The following DACH1 variants were observed in gnomAD, a reference collection of about 807,000 sequenced individuals.
The protein encoded by DACH1 is dachshund homolog 1.
A neutral mutation model predicts 54.2 loss-of-function variants in DACH1; 12 were observed. The observed-to-expected ratio is 0.22, with a 90% CI of 0.14 to 0.36. The LOEUF (loss-of-function observed/expected upper bound fraction) is 0.36, where lower values mean the gene tolerates loss of function less well. Among genes scored for constraint, DACH1 ranks in the 10% least tolerant of loss-of-function variants. The pLI, the probability that DACH1 is intolerant of heterozygous loss-of-function variation, is 1.00. For missense variants in DACH1, 805 were observed against 929.8 expected (o/e 0.87, Z 1.75); for synonymous variants, 386 against 366.2 (o/e 1.05, Z -0.62).
chr13:71,494,376 CT>C (rs537168970), intron 6 of DACH1, among the ~76,000 whole-genome samples: 65 of 151,888 alleles, frequency 4.3e-4, no homozygotes, highest in African/African-American at 1.3e-3. Context: ...TGAATTTTGA[CT>C]TTTTTTCCCC....
chr13:71,866,730 C>T lies in DACH1; in HGVS notation c.40G>A (p.Val14Ile). The T allele has an allele frequency of 7.0e-7, 1 of 1,435,532 alleles. No homozygotes were observed. Among genetic ancestry groups the T allele is most frequent in the Non-Finnish European group, 9.2e-7 (1 of 1,085,186 alleles). The allele number at this position is 1,435,532 out of a possible 1,614,324, so 88.9% of individuals were successfully genotyped here. Residue 14 changes from valine (V) to isoleucine (I), a missense_variant, in exon 1 of 11, where the codon GTC (valine) becomes ATC (isoleucine). Physicochemically the swap from Val to Ile is conservative, Grantham distance 29. Around this residue, in one of 3 missense-constraint regions of DACH1, gnomAD observed 305 missense variants for 308.7 expected, o/e 0.99. Transcript: ENST00000613252. ...PAALIPPTQLVPPQPPISTSA... is the reference protein window; with the variant it reads ...PAALIPPTQLIPPQPPISTSA... Reference sequence around the variant, plus strand: ...GTGGAGATTGGGGGTTGAGGGGGGACCAGCTGGGTCGGAGGGATCAAAGCC... The same window carrying T: ...GTGGAGATTGGGGGTTGAGGGGGGATCAGCTGGGTCGGAGGGATCAAAGCC...
intron 6 of DACH1, among the ~76,000 whole-genome samples, chr13:71,534,773 AATAAAGTT>A (rs1230459710): frequency 6.6e-6 from 1 of 151,938 alleles, no homozygotes; most frequent in Non-Finnish European, 1.5e-5. Flanking sequence ...TCATAAAAAT[AATAAAGTT>A]ATAACTCATC....
At position 71,813,529 on chromosome 13, in the gene DACH1, A is replaced by G. The variant is rs564218522; in HGVS notation, c.848+52393T>C. On this transcript the variant is annotated intron_variant, in intron 1 of 10. Coordinates refer to ENST00000613252, the MANE Select transcript of DACH1 (RefSeq NM_080759.6). ...TCCACTAATGAGGTTGCCTTTCTTC[A>G]TTCTGAGGGAGGATGTATTCTCCTC... Among the ~76,000 whole-genome samples, 8 of 152,286 alleles carry G rather than the reference A, an allele frequency of 5.3e-5. No individual in the cohort carries two copies. In the South Asian group the frequency reaches 1.7e-3, roughly 32 times the overall value.
Position 71,692,298 on chromosome 13 carries a change from T to TCAC in DACH1, c.849-10391_849-10389dup, listed in dbSNP as rs983444503. ...TTCCCCATCCTTAGCATGGTTAGTC[T>TCAC]CACACAGTCCAGCACATAATTATTC... On this transcript the variant is annotated intron_variant, in intron 1 of 10. Coordinates refer to ENST00000613252, the MANE Select transcript of DACH1 (RefSeq NM_080759.6). Among the ~76,000 whole-genome samples the TCAC allele has an allele frequency of 2.1e-4, 32 of 152,048 alleles. 1 individual carries two copies. The highest frequency in any genetic ancestry group is 2.1e-3 in the Admixed American group (32 of 15,262).
chr13:71,806,043 G>A (rs1038239578), intron 1 of DACH1, among the ~76,000 whole-genome samples: 5 of 152,148 alleles, frequency 3.3e-5, no homozygotes, highest in Non-Finnish European at 5.9e-5. Context: ...CCGACCTCAG[G>A]TGATCCGCCC....
At chr13:71,821,057 G>A (rs117347759) in intron 1 of DACH1, among the ~76,000 whole-genome samples, 62 of 152,230 alleles carry the variant, frequency 4.1e-4, no homozygotes, top group Non-Finnish European at 7.6e-4. Flanking sequence ...AGGACTAACC[G>A]GAAAAGTTCA....
chr13:71,530,842 G>A (rs1158661827), intron 6 of DACH1, among the ~76,000 whole-genome samples: 1 of 152,086 alleles, frequency 6.6e-6, no homozygotes, highest in Non-Finnish European at 1.5e-5. Context: ...TCTTTCATCT[G>A]TAAAAATAAT....
intron 4 of DACH1, among the ~76,000 whole-genome samples, chr13:71,567,343 A>G (rs1480241310): frequency 1.3e-5 from 2 of 152,100 alleles, no homozygotes; most frequent in African/African-American, 2.4e-5. Flanking sequence ...CTTAAAATGC[A>G]TTTAAAAATC....
chr13:71,575,812 T>C (rs1480257372), intron 3 of DACH1, among the ~76,000 whole-genome samples: 1 of 152,122 alleles, frequency 6.6e-6, no homozygotes, highest in Non-Finnish European at 1.5e-5. Flanking sequence ...CTCATGATGT[T>C]AGCTCATTTG....
At position 71,717,608 on chromosome 13, in the gene DACH1, G is replaced by A. The variant is rs12184740; in HGVS notation, c.849-35698C>T. Reference sequence around the variant, plus strand: ...TATTTACACATTTTTATGTTTTTTCGTTAAATTGCGTTTCCATTCATAATT... The same window carrying A: ...TATTTACACATTTTTATGTTTTTTCATTAAATTGCGTTTCCATTCATAATT... On this transcript the variant is annotated intron_variant, in intron 1 of 10. Transcript: ENST00000613252. Among the ~76,000 whole-genome samples, 26 of 149,552 alleles carry A rather than the reference G, an allele frequency of 1.7e-4. No individual in the cohort carries two copies. In the East Asian group the frequency reaches 3.0e-3, roughly 17 times the overall value.
intron 7 of DACH1, among the ~76,000 whole-genome samples, chr13:71,483,419 TA>T (rs1243124025): frequency 3.4e-5 from 5 of 147,034 alleles, no homozygotes; most frequent in Admixed American, 1.4e-4. Flanking sequence ...ATGTTACAGT[TA>T]AAATTATTAT....
chr13:71,696,622 A>T, intron 1 of DACH1, among the ~76,000 whole-genome samples: 1 of 151,642 alleles, frequency 6.6e-6, no homozygotes, highest in East Asian at 1.9e-4. Context: ...ATCTTGGCTC[A>T]CTACAACCTC....
chr13:71,751,070 T>C (rs935347879), intron 1 of DACH1, among the ~76,000 whole-genome samples: 5 of 152,242 alleles, frequency 3.3e-5, no homozygotes, highest in Admixed American at 6.5e-5. Context: ...GGCAGTCAGA[T>C]GTTTACATAA....
chr13:71,677,760 G>T (rs1376848280), intron 2 of DACH1, among the ~76,000 whole-genome samples: 2 of 152,022 alleles, frequency 1.3e-5, no homozygotes, highest in African/African-American at 4.8e-5. Flanking sequence ...TCACTCTGTT[G>T]TCAGGCTGGA....
intron 3 of DACH1, among the ~76,000 whole-genome samples, chr13:71,595,586 A>C (rs1190107718): frequency 6.6e-6 from 1 of 152,152 alleles, no homozygotes; most frequent in Non-Finnish European, 1.5e-5. Flanking sequence ...AGGCATGAAC[A>C]AGTGTCTTAG....
intron 1 of DACH1, among the ~76,000 whole-genome samples, chr13:71,784,934 TAATA>T (rs1886530045): frequency 6.6e-6 from 1 of 152,132 alleles, no homozygotes; most frequent in South Asian, 2.1e-4. Context: ...TCTCAGTCTA[TAATA>T]AATAGTAATG....
chr13:71,641,604 T>A (rs981801271), intron 2 of DACH1, among the ~76,000 whole-genome samples: 6 of 152,150 alleles, frequency 3.9e-5, no homozygotes, highest in African/African-American at 1.4e-4. Flanking sequence ...CAATCCTAGT[T>A]AATCTAGAAA....
intron 8 of DACH1, among the ~76,000 whole-genome samples, chr13:71,477,367 C>T (rs765836351): frequency 2.6e-4 from 39 of 151,478 alleles, no homozygotes; most frequent in Non-Finnish European, 5.0e-4. Flanking sequence ...ATGATCCACC[C>T]GTCTCGCCCT....
At chr13:71,448,726 T>C (rs1440234310) in intron 10 of DACH1, among the ~76,000 whole-genome samples, 1 of 152,058 alleles carries the variant, frequency 6.6e-6, no homozygotes, top group African/African-American at 2.4e-5. Flanking sequence ...ATAATAACAG[T>C]GCAAGTGATT....
Sources: allele counts gnomAD v4.1 joint callset (sites outside exome capture counted in the v4.1 genomes callset), GRCh38; gene constraint gnomAD v4.1.1; regional missense constraint gnomAD v4.1.1; transcripts MANE v1.5; gene names NCBI Gene and HGNC (gene_info 2026-07-23, HGNC 2026-07-21).